SIPA1L3: variants seen among roughly 807,000 people sequenced by gnomAD.
SIPA1L3 encodes the protein signal-induced proliferation-associated 1-like protein 3.
A neutral mutation model predicts 150.1 loss-of-function variants in SIPA1L3; 59 were observed. The ratio of observed to expected loss-of-function variants is 0.39; its 90% CI spans 0.32 to 0.49. SIPA1L3 has a LOEUF of 0.49. SIPA1L3 is among the 20% of genes least tolerant of loss of function. The pLI is 0.86. For missense variants in SIPA1L3, 2,211 were observed against 2,489.5 expected, an observed-to-expected ratio of 0.89 and a Z score of 2.38; for synonymous variants, 1,070 against 1,077.6, an observed-to-expected ratio of 0.99 and a Z score of 0.14.
intron 18 of SIPA1L3, among the ~76,000 whole-genome samples, chr19:38,194,207 G>A (rs1300088285): frequency 6.6e-6 from 1 of 151,788 alleles, no homozygotes; most frequent in Non-Finnish European, 1.5e-5. Context: ...ACTTGGGGGT[G>A]GTGCATGGTA....
At chr19:38,004,347 A>C (rs1967883749) in intron 1 of SIPA1L3, among the ~76,000 whole-genome samples, 1 of 152,208 alleles carries the variant, frequency 6.6e-6, no homozygotes, top group Non-Finnish European at 1.5e-5. Flanking sequence ...ACTTGGTTGC[A>C]AGTAACAAAA....
chr19:38,161,354 A>G (rs925650070), intron 13 of SIPA1L3, among the ~76,000 whole-genome samples: 1 of 151,378 alleles, frequency 6.6e-6, no homozygotes, highest in Non-Finnish European at 1.5e-5. Context: ...AAAAAAAAAA[A>G]AAAAAAACTA....
At chr19:38,099,526 C>T (rs930276869) in intron 4 of SIPA1L3, among the ~76,000 whole-genome samples, 1 of 152,068 alleles carries the variant, frequency 6.6e-6, no homozygotes, top group Non-Finnish European at 1.5e-5. Flanking sequence ...CATTATACTC[C>T]CTACTGCCTT....
At chr19:37,971,678 C>A (rs1966941927) in intron 1 of SIPA1L3, among the ~76,000 whole-genome samples, 1 of 152,036 alleles carries the variant, frequency 6.6e-6, no homozygotes, top group Admixed American at 6.6e-5. Flanking sequence ...AGTTCTCCTG[C>A]CTTAGCCTCC....
chr19:38,178,805 C>T (rs1972500296), intron 15 of SIPA1L3, among the ~76,000 whole-genome samples: 1 of 152,088 alleles, frequency 6.6e-6, no homozygotes, highest in Non-Finnish European at 1.5e-5. Context: ...AGCCAGTCAT[C>T]CTTCAGTTCT....
At chr19:38,098,378 G>A (rs1420469726) in intron 4 of SIPA1L3, among the ~76,000 whole-genome samples, 7 of 151,162 alleles carry the variant, frequency 4.6e-5, no homozygotes, top group African/African-American at 1.7e-4. Context: ...GTGGGCAGGT[G>A]GAAAGGGGCT....
intron 21 of SIPA1L3, among the ~76,000 whole-genome samples, chr19:38,204,494 G>A (rs1973164444): frequency 6.6e-6 from 1 of 152,232 alleles, no homozygotes; most frequent in Non-Finnish European, 1.5e-5. Flanking sequence ...GCTGGGCGCG[G>A]TGGCTCATAC....
In SIPA1L3 at chr19:38,130,528, A is replaced by C. The variant is rs1971281946; in HGVS notation, c.2899A>C (p.Met967Leu). 1 of 1,613,126 alleles carries C rather than the reference A, an allele frequency of 6.2e-7. No individual in the cohort carries two copies. Among genetic ancestry groups the C allele is most frequent in the South Asian group, 1.1e-5 (1 of 90,978 alleles). ...VMTSGWETVD[M>L]TLRRNGLGQL... Reference sequence around the variant, plus strand: ...GACCAGTGGCTGGGAGACGGTGGACATGACGCTTCGGCGGAACGGGCTCGG... The same window carrying C: ...GACCAGTGGCTGGGAGACGGTGGACCTGACGCTTCGGCGGAACGGGCTCGG... Residue 967 changes from methionine to leucine, a missense_variant, in exon 10 of 22, where the codon ATG (methionine) becomes CTG (leucine). Around this residue, in one of 5 missense-constraint regions of SIPA1L3, gnomAD observed 625 missense variants for 804.2 expected, o/e 0.78. Transcript: ENST00000222345.
intron 7 of SIPA1L3, chr19:38,108,451 A>C (rs1970668465): frequency 6.6e-6 from 1 of 152,236 alleles, no homozygotes; most frequent in African/African-American, 2.4e-5. Context: ...AATTGAAGAT[A>C]AGGCTGTGCA....
chr19:38,124,604 G>A (rs981286006), intron 9 of SIPA1L3, among the ~76,000 whole-genome samples: 29 of 152,010 alleles, frequency 1.9e-4, no homozygotes, highest in African/African-American at 7.0e-4. Flanking sequence ...CGGGGTGGCG[G>A]CCGGGCAGAG....
rs1314447437 is a variant in SIPA1L3, at chr19:38,101,101, G to T, written c.1904G>T (p.Ser635Ile). ...VGILYCKAGQSSEEEMYNNEE... is the reference protein window; with the variant it reads ...VGILYCKAGQISEEEMYNNEE... ...ATCCTCTATTGCAAGGCCGGCCAGA[G>T]CTCCGAGGAGGAGATGTACAACAAT... The change falls in exon 6 of 22, where the codon AGC becomes ATC. Residue 635 changes from serine to isoleucine, a missense_variant. Ser to Ile is a moderately radical substitution (Grantham distance 142). This residue lies in a region of SIPA1L3 where 625 missense variants were observed against 804.2 expected (regional missense o/e 0.78). Coordinates refer to ENST00000222345, the MANE Select transcript of SIPA1L3 (RefSeq NM_015073.3). 1.9e-6 allele frequency: 3 copies of T among 1,605,102 alleles called. No homozygotes were observed. Among genetic ancestry groups the T allele is most frequent in the South Asian group, 1.1e-5 (1 of 90,182 alleles).
chr19:38,123,626 T>C (rs1193981710), intron 9 of SIPA1L3, among the ~76,000 whole-genome samples: 3 of 151,670 alleles, frequency 2.0e-5, no homozygotes, highest in Non-Finnish European at 4.4e-5. Context: ...GAATTTTTCT[T>C]AGTACAGAAC....
At chr19:38,058,368 A>G (rs2145774947) in intron 2 of SIPA1L3, among the ~76,000 whole-genome samples, 1 of 151,858 alleles carries the variant, frequency 6.6e-6, no homozygotes, top group African/African-American at 2.4e-5. Flanking sequence ...TGGCCCCACA[A>G]CCCCCATTCC....
chr19:37,908,812 C>T (rs1012575505), intron 1 of SIPA1L3, among the ~76,000 whole-genome samples: 3 of 152,030 alleles, frequency 2.0e-5, no homozygotes, highest in African/African-American at 4.8e-5. Context: ...GCTCACACAC[C>T]CCTCCCCACA....
At chr19:38,084,335 C>T (rs1424186491) in intron 3 of SIPA1L3, among the ~76,000 whole-genome samples, 1 of 152,106 alleles carries the variant, frequency 6.6e-6, no homozygotes, top group Non-Finnish European at 1.5e-5. Flanking sequence ...GGAGTTATAG[C>T]CTACTGCTCA....
chr19:38,203,106 T>C (rs989261136), intron 20 of SIPA1L3, among the ~76,000 whole-genome samples: 7 of 152,078 alleles, frequency 4.6e-5, no homozygotes, highest in African/African-American at 1.7e-4. Flanking sequence ...TTGAGGGTAA[T>C]TTTGACTTCT....
At chr19:38,066,364 C>T (rs932955288) in intron 2 of SIPA1L3, among the ~76,000 whole-genome samples, 4 of 152,092 alleles carry the variant, frequency 2.6e-5, no homozygotes, top group African/African-American at 7.2e-5. Flanking sequence ...GGAATAGAGG[C>T]ACCCGGATTC....
At chr19:38,043,098 G>T (rs1968962794) in intron 2 of SIPA1L3, among the ~76,000 whole-genome samples, 1 of 152,188 alleles carries the variant, frequency 6.6e-6, no homozygotes, top group South Asian at 2.1e-4. Context: ...CCAGCAGTTT[G>T]GGGGGCCGAG....
chr19:37,910,978 TAAAA>T (rs1163788843), intron 1 of SIPA1L3, among the ~76,000 whole-genome samples: 1 of 152,120 alleles, frequency 6.6e-6, no homozygotes, highest in Non-Finnish European at 1.5e-5. Flanking sequence ...GAATTTAGCT[TAAAA>T]AAAGTTATGC....
Sources: allele counts gnomAD v4.1 joint callset (sites outside exome capture counted in the v4.1 genomes callset), GRCh38; gene constraint gnomAD v4.1.1; regional missense constraint gnomAD v4.1.1; transcripts MANE v1.5; gene names NCBI Gene and HGNC (gene_info 2026-07-23, HGNC 2026-07-21).